RGS21: variants seen among roughly 807,000 people sequenced by gnomAD.
RGS21 encodes the protein regulator of G protein signaling 21, also known as regulator of G-protein signalling 21.
A neutral mutation model predicts 18.7 loss-of-function variants in RGS21; 19 were observed. That is an observed-to-expected ratio of 1.01 (90% CI 0.71 to 1.49). The LOEUF (loss-of-function observed/expected upper bound fraction) is 1.49, where lower values mean the gene tolerates loss of function less well. RGS21 is among the 40% of genes most tolerant of loss of function. RGS21 has a pLI of 0.00. For missense variants in RGS21, 194 were observed against 176.8 expected (o/e 1.10, Z -0.55); for synonymous variants, 56 against 57.8 (o/e 0.97, Z 0.14).
At chr1:192,330,120 G>T (rs565821827) in intron 1 of RGS21, among the ~76,000 whole-genome samples, 1 of 152,152 alleles carries the variant, frequency 6.6e-6, no homozygotes, top group South Asian at 2.1e-4. Context: ...TATCCTTATG[G>T]AATAAGAAGT....
At chr1:192,361,334 A>G (rs758164036) in intron 4 of RGS21, among the ~76,000 whole-genome samples, 1 of 152,104 alleles carries the variant, frequency 6.6e-6, no homozygotes, top group Non-Finnish European at 1.5e-5. Context: ...GAGAATATAT[A>G]TATGCTCTGC....
chr1:192,318,307 A>T (rs1027701140), intron 1 of RGS21, among the ~76,000 whole-genome samples: 2 of 152,116 alleles, frequency 1.3e-5, no homozygotes, highest in South Asian at 2.1e-4. Flanking sequence ...AACACTATTA[A>T]TTACTTCTGC....
chr1:192,353,600 T>C lies in RGS21; in HGVS notation c.255+1387T>C, dbSNP rs747142072. On this transcript the variant is annotated intron_variant, in intron 4 of 4. Transcript: ENST00000417209. ...TGCTTTAGGATAATATTTTGAAACA[T>C]TGTGTGTGAAAAATCTTCTAACACA... is the stretch of plus-strand genomic sequence containing the variant. Among the ~76,000 whole-genome samples, 10 of 151,986 alleles carry C rather than the reference T, an allele frequency of 6.6e-5. No homozygotes were observed. In the East Asian group the frequency reaches 9.6e-4, roughly 15 times the overall value.
intron 2 of RGS21, among the ~76,000 whole-genome samples, chr1:192,346,004 GA>G (rs111652992): frequency 3.3e-5 from 5 of 151,412 alleles, no homozygotes; most frequent in African/African-American, 1.2e-4. Flanking sequence ...CTATTTGAAT[GA>G]AAAAAAACAC....
At chr1:192,347,127 C>T (rs187625596) in intron 2 of RGS21, among the ~76,000 whole-genome samples, 186 bp from the exon 3 acceptor site, 7 of 152,222 alleles carry the variant, frequency 4.6e-5, no homozygotes, top group Admixed American at 1.3e-4. Context: ...TTGCTGATGT[C>T]AAATTACATC....
chr1:192,342,485 C>T (rs1168290744), intron 1 of RGS21, among the ~76,000 whole-genome samples: 1 of 151,872 alleles, frequency 6.6e-6, no homozygotes, highest in Non-Finnish European at 1.5e-5. Context: ...TATATTAGAA[C>T]ATTTTAGTTC....
In RGS21 at chr1:192,333,738, T is replaced by C. The variant is rs141401570; in HGVS notation, c.-60-9239T>C. ...AACATAAGGGAGATCTTTGATGTAATGGAATAGTTCTGTGTCTTGACTTCA... is the reference window on the plus strand; with the variant it reads ...AACATAAGGGAGATCTTTGATGTAACGGAATAGTTCTGTGTCTTGACTTCA... On this transcript the variant is annotated intron_variant, in intron 1 of 4. Coordinates refer to ENST00000417209, the MANE Select transcript of RGS21 (RefSeq NM_001039152.3). Among the ~76,000 whole-genome samples the C allele has an allele frequency of 5.2e-3, 783 of 150,816 alleles. 7 individuals are homozygous for C. Among genetic ancestry groups the C allele is most frequent in the African/African-American group, 0.018 (758 of 41,050 alleles).
At position 192,353,698 on chromosome 1, in the gene RGS21, TTTTA is replaced by T. The variant is rs568630940; in HGVS notation, c.255+1493_255+1496del. Among the ~76,000 whole-genome samples the T allele has an allele frequency of 2.5e-3, 384 of 151,836 alleles. 3 individuals are homozygous for T. Among genetic ancestry groups the T allele is most frequent in the African/African-American group, 9.0e-3 (375 of 41,518 alleles). ...TAAACCATCAATTTTGATAAAATAG[TTTTA>T]TTTATTTTCCTAACCTTTTCTTCCA... is the stretch of plus-strand genomic sequence containing the variant. On this transcript the variant is annotated intron_variant, in intron 4 of 4. Coordinates refer to ENST00000417209, the MANE Select transcript of RGS21 (RefSeq NM_001039152.3).
chr1:192,319,638 T>C lies in RGS21; in HGVS notation c.-61+2533T>C, dbSNP rs939690269. Among the ~76,000 whole-genome samples the C allele has an allele frequency of 3.0e-4, 45 of 152,132 alleles. 1 individual carries two copies. Among genetic ancestry groups the C allele is most frequent in the African/African-American group, 1.1e-3 (45 of 41,448 alleles). Reference sequence around the variant, plus strand: ...AAGGGATGACCAGTATTAAGTAAACTTCTGAATCTGCCAGTTATCAATTGT... The same window carrying C: ...AAGGGATGACCAGTATTAAGTAAACCTCTGAATCTGCCAGTTATCAATTGT... On this transcript the variant is annotated intron_variant, in intron 1 of 4. Transcript: ENST00000417209.
At chr1:192,355,595 T>C (rs1659099143) in intron 4 of RGS21, among the ~76,000 whole-genome samples, 2 of 151,448 alleles carry the variant, frequency 1.3e-5, no homozygotes, top group South Asian at 4.1e-4. Flanking sequence ...AAGAAAATTA[T>C]TAGAGAAATA....
intron 1 of RGS21, among the ~76,000 whole-genome samples, chr1:192,332,421 T>G (rs922447218): frequency 6.6e-6 from 1 of 152,178 alleles, no homozygotes; most frequent in Non-Finnish European, 1.5e-5. Flanking sequence ...GGCAAAAAAG[T>G]CAACCTTGTT....
rs868122473 is a variant in RGS21 at position 192,318,041 on chromosome 1, G to T, written c.-61+936G>T. On this transcript the variant is annotated intron_variant, in intron 1 of 4. Transcript: ENST00000417209. ...CTAAAACTTATGACACCAAATGCTG[G>T]CAACTCTTTCTCCTGCTTTCTAAAA... Among the ~76,000 whole-genome samples, 4 of 151,944 alleles carry T rather than the reference G, an allele frequency of 2.6e-5. 1 individual carries two copies. The South Asian group carries it at 8.3e-4, about 32-fold the overall frequency.
At chr1:192,363,034 CTT>C (rs1032343875) in intron 4 of RGS21, among the ~76,000 whole-genome samples, 2 of 152,054 alleles carry the variant, frequency 1.3e-5, no homozygotes, top group African/African-American at 4.8e-5. Flanking sequence ...TTGTGAAAGA[CTT>C]AGGATAAAAG....
In RGS21 at chr1:192,334,145, G is replaced by A. The variant is rs112732685; in HGVS notation, c.-60-8832G>A. On this transcript the variant is annotated intron_variant, in intron 1 of 4. Coordinates refer to ENST00000417209, the MANE Select transcript of RGS21 (RefSeq NM_001039152.3). ...TTTGCTAATCTAGGCTACGTTTCTC[G>A]ACAGTGAACTTTTCAACATAAGTGT... 4.9e-4 allele frequency among the ~76,000 whole-genome samples: 74 copies of A among 152,064 alleles called. 1 individual carries two copies. Among genetic ancestry groups the A allele is most frequent in the African/African-American group, 1.6e-3 (68 of 41,494 alleles).
intron 1 of RGS21, among the ~76,000 whole-genome samples, chr1:192,330,926 A>G (rs1350333911): frequency 6.6e-6 from 1 of 152,224 alleles, no homozygotes; most frequent in Non-Finnish European, 1.5e-5. Context: ...CTGAGGGGTA[A>G]CCATGTGTAT....
intron 1 of RGS21, among the ~76,000 whole-genome samples, chr1:192,322,046 A>C (rs1452910869): frequency 1.3e-5 from 2 of 152,130 alleles, no homozygotes; most frequent in Non-Finnish European, 2.9e-5. Context: ...AGGAAATTAC[A>C]AGTGGAACGG....
chr1:192,346,086 G>T (rs1323453785), intron 2 of RGS21, among the ~76,000 whole-genome samples: 3 of 152,040 alleles, frequency 2.0e-5, no homozygotes, highest in Non-Finnish European at 4.4e-5. Context: ...AGGAAAGTCA[G>T]CTGCCTACAA....
chr1:192,335,093 A>C (rs1267252432), intron 1 of RGS21, among the ~76,000 whole-genome samples: 1 of 152,158 alleles, frequency 6.6e-6, no homozygotes, highest in Admixed American at 6.5e-5. Context: ...CCCTAAAAAA[A>C]ATCATTTCAT....
At chr1:192,335,581 T>C (rs1179450283) in intron 1 of RGS21, among the ~76,000 whole-genome samples, 1 of 152,212 alleles carries the variant, frequency 6.6e-6, no homozygotes. Flanking sequence ...TGTACAAGAC[T>C]GTGTCTCTAC....
Sources: allele counts gnomAD v4.1 joint callset (sites outside exome capture counted in the v4.1 genomes callset), GRCh38; gene constraint gnomAD v4.1.1; transcripts MANE v1.5; gene names NCBI Gene and HGNC (gene_info 2026-07-23, HGNC 2026-07-21).